Variants in PTK2B observed in about 807,000 individuals in gnomAD.
PTK2B encodes protein tyrosine kinase 2 beta, also known as protein-tyrosine kinase 2-beta.
Under a neutral mutation model 142.9 loss-of-function variants are expected in PTK2B, and 71 were observed. The ratio of observed to expected loss-of-function variants is 0.50; its 90% CI spans 0.41 to 0.61. The LOEUF is 0.61. Among genes scored for constraint, PTK2B ranks in the 20% least tolerant of loss-of-function variants. The probability of loss-of-function intolerance (pLI) is 0.00; values close to 1 mark genes in which losing one functional copy is unlikely to be tolerated. For synonymous variants in PTK2B, 519 were observed against 503.4 expected (o/e 1.03, Z -0.42); for missense variants, 1,105 against 1,320.4 (o/e 0.84, Z 2.53).
chr8:27,358,194 C>A (rs1029263039), intron 1 of PTK2B, among the ~76,000 whole-genome samples: 14 of 152,216 alleles, frequency 9.2e-5, no homozygotes, highest in African/African-American at 3.4e-4. Flanking sequence ...CAGCACAGGG[C>A]TGTGGATATA....
Position 27,356,305 on chromosome 8 carries a change from A to C in PTK2B, c.-38+30624A>C, listed in dbSNP as rs536824287. On this transcript the variant is annotated intron_variant, in intron 1 of 30. Transcript: ENST00000346049. Reference sequence around the variant, plus strand: ...TACTGACCGTATTGGGCCCTGGGCCAGAGCTGAGGGCAAAGAGTAAAGGAC... The same window carrying C: ...TACTGACCGTATTGGGCCCTGGGCCCGAGCTGAGGGCAAAGAGTAAAGGAC... 2.0e-5 allele frequency among the ~76,000 whole-genome samples: 3 copies of C among 152,356 alleles called. No individual in the cohort carries two copies. The South Asian group carries it at 6.2e-4, about 32-fold the overall frequency.
intron 3 of PTK2B, among the ~76,000 whole-genome samples, chr8:27,318,910 C>CA (rs1803148060): frequency 6.6e-6 from 1 of 152,118 alleles, no homozygotes; most frequent in Non-Finnish European, 1.5e-5. Context: ...CTCAGCCTCC[C>CA]AAAGTGCTGG....
At chr8:27,336,479 C>T (rs551676031) in intron 1 of PTK2B, among the ~76,000 whole-genome samples, 11 of 152,170 alleles carry the variant, frequency 7.2e-5, no homozygotes, top group East Asian at 3.9e-4. Context: ...GCATTGAGTA[C>T]GTACAATGTG....
At chr8:27,434,034 C>A in intron 11 of PTK2B, 59 bp from the exon 12 acceptor site, 1 of 1,572,766 alleles carries the variant, frequency 6.4e-7, no homozygotes, top group South Asian at 1.1e-5. Context: ...GGAGGTCAGT[C>A]ACCCATCCAG....
intron 11 of PTK2B, 90 bp downstream of exon 11, chr8:27,433,642 A>T: frequency 9.2e-7 from 1 of 1,089,032 alleles, no homozygotes; most frequent in Non-Finnish European, 1.4e-6. Flanking sequence ...TAAGCCACTG[A>T]TGGATAAGTG....
intron 29 of PTK2B, 77 bp from the exon 30 acceptor site, chr8:27,454,454 G>A (rs1300348169): frequency 4.5e-6 from 7 of 1,569,296 alleles, no homozygotes; most frequent in African/African-American, 1.4e-5. Context: ...ACCACCCCAG[G>A]AGAGCTCTTC....
intron 9 of PTK2B, 80 bp downstream of exon 9, chr8:27,431,552 C>T (rs1274271144): frequency 6.4e-7 from 1 of 1,553,924 alleles, no homozygotes; most frequent in East Asian, 2.3e-5. Context: ...CCTGTCTGCC[C>T]CTTCAGTTCT....
chr8:27,435,810 G>A lies in PTK2B; in HGVS notation c.1243+17G>A, dbSNP rs755179598. On this transcript the variant is annotated intron_variant, in intron 14 of 30. Coordinates refer to ENST00000346049, the MANE Select transcript of PTK2B (RefSeq NM_173176.3). ...GGCCCGGAGGTAGGTTCTCGACCCC[G>A]CCACAGCGACCGTAGTCAAGGCCCT... 22 of 1,612,650 alleles carry A rather than the reference G, an allele frequency of 1.4e-5. No individual in the cohort carries two copies. Among genetic ancestry groups the A allele is most frequent in the African/African-American group, 2.7e-5 (2 of 74,902 alleles).
At chr8:27,406,528 T>C (rs1409483045) in intron 2 of PTK2B, among the ~76,000 whole-genome samples, 1 of 152,052 alleles carries the variant, frequency 6.6e-6, no homozygotes, top group African/African-American at 2.4e-5. Flanking sequence ...CAGAAGAAAA[T>C]AGAGACTCAC....
chr8:27,428,360 C>T (rs1810210336), intron 5 of PTK2B, among the ~76,000 whole-genome samples: 2 of 152,220 alleles, frequency 1.3e-5, no homozygotes, highest in South Asian at 2.1e-4. Flanking sequence ...ACCTTTGCTA[C>T]ACCTGAATAT....
In PTK2B at chr8:27,317,101, T is replaced by C. The variant is rs1005681587; in HGVS notation, c.-414+3814T>C. Among the ~76,000 whole-genome samples, 5 of 152,216 alleles carry C rather than the reference T, an allele frequency of 3.3e-5. No homozygotes were observed. In the East Asian group the frequency reaches 7.7e-4, roughly 23 times the overall value. On this transcript the variant is annotated intron_variant, in intron 3 of 35. Transcript: ENST00000397501. ...CAGCAACTCCAGCATCTTATCCTGA[T>C]ATGAACCAATGTCCAGAAATGAAAT...
At chr8:27,378,616 TG>T (rs1806817985) in intron 1 of PTK2B, among the ~76,000 whole-genome samples, 4 of 66,896 alleles carry the variant, frequency 6.0e-5, no homozygotes, top group African/African-American at 3.5e-4. Context: ...TGTGTGTGTG[TG>T]TGTGTGTGTG....
Position 27,430,859 on chromosome 8 carries a change from C to CCCAT in PTK2B, c.670-14_670-11dup. 6.2e-7 allele frequency: 1 copy of CCCAT among 1,611,860 alleles called. No homozygotes were observed. The highest frequency in any genetic ancestry group is 8.5e-7 in the Non-Finnish European group (1 of 1,178,700). Reference sequence around the variant, plus strand: ...GGAGGAGCAGGCATTGCTCACACGGCCCATCCCCTCCCCCAGCCCAAACAG... The same window carrying CCCAT: ...GGAGGAGCAGGCATTGCTCACACGGCCCATCCATCCCCTCCCCCAGCCCAAACAG... On this transcript the variant is annotated splice_polypyrimidine_tract_variant and intron_variant, in intron 7 of 30. Transcript: ENST00000346049.
chr8:27,458,396 A>G lies in PTK2B; in HGVS notation c.2917A>G (p.Lys973Glu). 1 of 1,613,500 alleles carries G rather than the reference A, an allele frequency of 6.2e-7. No homozygotes were observed. The highest frequency in any genetic ancestry group is 8.5e-7 in the Non-Finnish European group (1 of 1,179,748). ...NAVTSLSEEC[K>E]RQMLTASHTL... ...CGTGACCTCCCTAAGTGAGGAGTGC[A>G]AGAGGCAGATGCTGACGGCTTCACA... Residue 973 changes from lysine to glutamate, a missense_variant, in exon 31 of 31, where the codon AAG (lysine) becomes GAG (glutamate). By Grantham distance (56) the Lys-to-Glu change is moderately conservative. Coordinates refer to ENST00000346049, the MANE Select transcript of PTK2B (RefSeq NM_173176.3).
At chr8:27,380,082 A>G (rs375801182) in intron 1 of PTK2B, among the ~76,000 whole-genome samples, 2 of 151,708 alleles carry the variant, frequency 1.3e-5, no homozygotes, top group Non-Finnish European at 2.9e-5. Flanking sequence ...GTTGTTTATT[A>G]TTGTTTGGAC....
At chr8:27,431,067 C>G in intron 8 of PTK2B, 51 bp downstream of exon 8, 4 of 1,579,594 alleles carry the variant, frequency 2.5e-6, no homozygotes, top group Non-Finnish European at 3.5e-6. Flanking sequence ...CCAGGCCTCT[C>G]GGAAAAGGGG....
At chr8:27,388,427 C>T (rs999076287) in intron 1 of PTK2B, among the ~76,000 whole-genome samples, 4 of 152,200 alleles carry the variant, frequency 2.6e-5, no homozygotes, top group African/African-American at 9.6e-5. Context: ...AAAAGAAGCT[C>T]TTGGGAGGAA....
chr8:27,438,723 C>T (rs970854321), intron 18 of PTK2B, among the ~76,000 whole-genome samples: 1 of 152,054 alleles, frequency 6.6e-6, no homozygotes, highest in East Asian at 1.9e-4. Flanking sequence ...GAATCTGAGC[C>T]AGGCTTCAAG....
At chr8:27,321,567 T>G (rs1302119444), upstream of PTK2B, among the ~76,000 whole-genome samples, 1 of 152,204 alleles carries the variant, frequency 6.6e-6, no homozygotes, top group Non-Finnish European at 1.5e-5. Flanking sequence ...GGATGGCTGC[T>G]CCAGGTTTCA....
Sources: allele counts gnomAD v4.1 joint callset (sites outside exome capture counted in the v4.1 genomes callset), GRCh38; gene constraint gnomAD v4.1.1; transcripts MANE v1.5; gene names NCBI Gene and HGNC (gene_info 2026-07-23, HGNC 2026-07-21).